Variants in ATPAF2 observed in about 807,000 individuals in gnomAD.
The protein encoded by ATPAF2 is ATP12 homolog.
Under a neutral mutation model 36.6 loss-of-function variants are expected in ATPAF2, and 30 were observed. That is an observed-to-expected ratio of 0.82 (90% CI 0.61 to 1.11). The LOEUF (loss-of-function observed/expected upper bound fraction) is 1.11. ATPAF2 is among the 50% of genes most tolerant of loss of function. The pLI, the probability that ATPAF2 is intolerant of heterozygous loss-of-function variation, is 0.00. For synonymous variants in ATPAF2, 140 were observed against 152.6 expected (o/e 0.92, Z 0.61); for missense variants, 321 against 372.3 (o/e 0.86, Z 1.13).
chr17:18,033,019 G>A (rs2044658690), intron 1 of ATPAF2, among the ~76,000 whole-genome samples: 1 of 151,944 alleles, frequency 6.6e-6, no homozygotes, highest in Non-Finnish European at 1.5e-5. Context: ...GGGACATGTA[G>A]ATCACTGCAA....
chr17:18,026,308 A>G lies in ATPAF2; in HGVS notation c.422+11T>C, dbSNP rs776986750. The G allele has an allele frequency of 7.5e-6, 12 of 1,610,280 alleles. No homozygotes were observed. The East Asian group carries it at 2.0e-4, about 27-fold the overall frequency. On this transcript the variant is annotated intron_variant, in intron 4 of 7. Coordinates refer to ENST00000474627, the MANE Select transcript of ATPAF2 (RefSeq NM_145691.4). ...CAATCCAAGGGGAATGCCCATCTAA[A>G]TGTCCATTACCAGATGGTGTCGGTG...
downstream of ATPAF2, chr17:18,016,587 C>T (rs1448480682): frequency 1.9e-6 from 3 of 1,613,686 alleles, no homozygotes; most frequent in East Asian, 2.2e-5. Context: ...TGAGGAACCG[C>T]AAGCGCGTGA....
rs2044583088 is a variant in ATPAF2 at position 18,028,642 on chromosome 17, G to GA, written c.150dup (p.Gln51SerfsTer9). 6.2e-7 allele frequency: 1 copy of GA among 1,612,098 alleles called. No homozygotes were observed. The highest frequency in any genetic ancestry group is 1.3e-5 in the African/African-American group (1 of 74,602). Reference sequence around the variant, plus strand: ...TCACCCTGTGTGATGCTGACATTCTGATAAAACCTCTTCCTTTCTGTAAGA... The same window carrying GA: ...TCACCCTGTGTGATGCTGACATTCTGAATAAAACCTCTTCCTTTCTGTAAGA... On this transcript the variant is annotated frameshift_variant, in exon 2 of 8. Coordinates refer to ENST00000474627, the MANE Select transcript of ATPAF2 (RefSeq NM_145691.4). LOFTEE classifies it high-confidence loss of function.
At chr17:18,016,585 C>T (rs113192268), downstream of ATPAF2, 108 of 1,613,730 alleles carry the variant, frequency 6.7e-5, no homozygotes, top group African/African-American at 8.5e-4. Context: ...CATGAGGAAC[C>T]GCAAGCGCGT....
chr17:18,021,189 G>C lies in ATPAF2; in HGVS notation c.666C>G (p.Gly222=), dbSNP rs939481555. The change falls in exon 7 of 8, where the codon GGC becomes GGG. Residue 222 remains glycine (G), a synonymous_variant. Transcript: ENST00000474627. ...CCACTGTCAGGCGCAGGTCAATCAG[G>C]CCCAAGGTTAGCACCATGGACTTGA... is the stretch of plus-strand genomic sequence containing the variant. ...AQLKSMVLTL[G]LIDLRLTVEQ... is the part of the protein sequence containing the mutation. 1 of 1,613,880 alleles carries C rather than the reference G, an allele frequency of 6.2e-7. No individual in the cohort carries two copies. The highest frequency in any genetic ancestry group is 8.5e-7 in the Non-Finnish European group (1 of 1,180,004).
chr17:18,039,149 G>A lies in ATPAF2; in HGVS notation c.-136C>T. On this transcript the variant is annotated 5_prime_UTR_variant, in exon 1 of 8. Coordinates refer to ENST00000474627, the MANE Select transcript of ATPAF2 (RefSeq NM_145691.4). The surrounding 1 kb of genome is among the most constrained non-coding windows in gnomAD (Gnocchi z 5.3). ...TCCTCAGAGCCCTCAACCTCCCTTG[G>A]ACGCCGCCATCTTCCGCATGACACC... 2.4e-6 allele frequency: 3 copies of A among 1,275,418 alleles called. No individual in the cohort carries two copies. Among genetic ancestry groups the A allele is most frequent in the Non-Finnish European group, 3.3e-6 (3 of 914,002 alleles). The allele number at this position is 1,275,418 out of a possible 1,614,324, so 79.0% of individuals were successfully genotyped here.
intron 1 of ATPAF2, among the ~76,000 whole-genome samples, chr17:18,034,786 A>G (rs974711719): frequency 2.0e-5 from 3 of 151,792 alleles, no homozygotes; most frequent in Non-Finnish European, 4.4e-5. Context: ...ATGAATGTTC[A>G]TAGTAGCGTT....
chr17:18,021,953 G>T, intron 5 of ATPAF2, 96 bp from the exon 6 acceptor site: 3 of 1,078,226 alleles, frequency 2.8e-6, no homozygotes, highest in South Asian at 2.5e-5. Flanking sequence ...TTCAGAGCAT[G>T]TGTGTGCATT....
At chr17:18,035,062 C>G (rs755566708) in intron 1 of ATPAF2, among the ~76,000 whole-genome samples, 5 of 151,828 alleles carry the variant, frequency 3.3e-5, no homozygotes, top group Non-Finnish European at 7.4e-5. Flanking sequence ...GACCCCATCT[C>G]TACAAAGCAC....
At chr17:18,016,751 C>A, downstream of ATPAF2, 1 of 852,084 alleles carries the variant, frequency 1.2e-6, no homozygotes, top group Non-Finnish European at 1.9e-6. Context: ...GCCTCACCCG[C>A]ACCTCTAGAG....
intron 1 of ATPAF2, among the ~76,000 whole-genome samples, chr17:18,035,134 C>A (rs2145522346): frequency 6.6e-6 from 1 of 152,006 alleles, no homozygotes; most frequent in Non-Finnish European, 1.5e-5. Context: ...GAGGCTGAGG[C>A]AGGAGGATCA....
downstream of ATPAF2, chr17:18,016,659 C>T: frequency 6.2e-7 from 1 of 1,608,880 alleles, no homozygotes; most frequent in Non-Finnish European, 8.5e-7. Context: ...AATGTGGCGA[C>T]ATCCTAGACT....
At chr17:18,020,880 C>A in intron 7 of ATPAF2, 1 of 993,268 alleles carries the variant, frequency 1.0e-6, no homozygotes, top group Non-Finnish European at 1.4e-6. Flanking sequence ...AGGCTGGTCT[C>A]AAACTCCTGA....
intron 7 of ATPAF2, among the ~76,000 whole-genome samples, chr17:18,019,113 T>C (rs904534274): frequency 2.7e-5 from 4 of 148,802 alleles, no homozygotes; most frequent in Admixed American, 1.3e-4. Context: ...GCACTCCCAC[T>C]TGGGCAACAG....
intron 1 of ATPAF2, among the ~76,000 whole-genome samples, chr17:18,036,229 A>G (rs1474165755): frequency 1.3e-5 from 2 of 152,098 alleles, no homozygotes; most frequent in East Asian, 3.8e-4. Context: ...ATCTTCTACT[A>G]CTTCAAATAC....
At chr17:18,035,266 A>T (rs931207148) in intron 1 of ATPAF2, among the ~76,000 whole-genome samples, 1 of 152,180 alleles carries the variant, frequency 6.6e-6, no homozygotes, top group African/African-American at 2.4e-5. Flanking sequence ...CCAAACTTTA[A>T]AACATTATGC....
downstream of ATPAF2, chr17:18,015,936 G>C: frequency 2.2e-6 from 2 of 927,998 alleles, no homozygotes; most frequent in Non-Finnish European, 3.3e-6. Flanking sequence ...CTGATACAAA[G>C]GTGGGCTCTG....
At chr17:18,027,369 G>C (rs998394017) in intron 3 of ATPAF2, among the ~76,000 whole-genome samples, 1 of 152,142 alleles carries the variant, frequency 6.6e-6, no homozygotes, top group South Asian at 2.1e-4. Context: ...GATGTTGGGA[G>C]GAGGCCCACC....
At chr17:18,026,553 G>A (rs1568572734) in intron 3 of ATPAF2, 137 bp from the exon 4 acceptor site, 17 of 746,040 alleles carry the variant, frequency 2.3e-5, no homozygotes, top group South Asian at 8.6e-5. Context: ...CTGCATTACC[G>A]GAGCAGCAGC....
Sources: allele counts gnomAD v4.1 joint callset (sites outside exome capture counted in the v4.1 genomes callset), GRCh38; gene constraint gnomAD v4.1.1; non-coding constraint Gnocchi (gnomAD v3.1); transcripts MANE v1.5; gene names NCBI Gene and HGNC (gene_info 2026-07-23, HGNC 2026-07-21).